FEZ2: variants seen among roughly 807,000 people sequenced by gnomAD.
The protein encoded by FEZ2 is fasciculation and elongation protein zeta-2.
In FEZ2, 51 loss-of-function variants were observed where a neutral mutation model predicts 40.4. That is an observed-to-expected ratio of 1.26 (90% CI 1.01 to 1.59). The LOEUF (loss-of-function observed/expected upper bound fraction) is 1.59. Among genes scored for constraint, FEZ2 ranks in the 40% most tolerant of loss-of-function variants. The pLI is 0.00. For missense variants in FEZ2, 640 were observed against 438.3 expected, an observed-to-expected ratio of 1.46 and a Z score of -4.11; for synonymous variants, 242 against 172.0, an observed-to-expected ratio of 1.41 and a Z score of -3.18.
intron 5 of FEZ2, among the ~76,000 whole-genome samples, chr2:36,569,009 C>T (rs2125227135): frequency 6.6e-6 from 1 of 152,318 alleles, no homozygotes; most frequent in East Asian, 1.9e-4. Flanking sequence ...AACGAAAATT[C>T]AAGCCAAGGA....
At chr2:36,574,175 T>C (rs848624) in intron 5 of FEZ2, among the ~76,000 whole-genome samples, 73,979 of 152,048 alleles carry the variant, frequency 0.49, 19,406 homozygotes, top group East Asian at 0.85. Flanking sequence ...GCTAATCTTA[T>C]ATACATTATT....
chr2:36,579,573 C>T (rs1668674349), intron 4 of FEZ2, among the ~76,000 whole-genome samples: 1 of 152,022 alleles, frequency 6.6e-6, no homozygotes, highest in Non-Finnish European at 1.5e-5. Flanking sequence ...TCCTCCTGCT[C>T]CAGCCATGTG....
intron 1 of FEZ2, among the ~76,000 whole-genome samples, chr2:36,596,159 G>A (rs1364646297): frequency 1.3e-5 from 2 of 152,116 alleles, no homozygotes; most frequent in African/African-American, 2.4e-5. Context: ...AATTATAAGT[G>A]TTTCCCTTCT....
chr2:36,590,682 T>C (rs974607689), intron 2 of FEZ2: 15 of 464,714 alleles, frequency 3.2e-5, no homozygotes, highest in Non-Finnish European at 4.9e-5. Context: ...GATGGAAATT[T>C]AGCTACACAT....
chr2:36,585,789 G>C (rs1449435565), intron 2 of FEZ2, among the ~76,000 whole-genome samples: 1 of 152,212 alleles, frequency 6.6e-6, no homozygotes, highest in African/African-American at 2.4e-5. Flanking sequence ...GATGGGGAAA[G>C]GGAAGTTTTT....
chr2:36,589,091 T>C (rs1227622744), intron 2 of FEZ2, among the ~76,000 whole-genome samples: 1 of 152,220 alleles, frequency 6.6e-6, no homozygotes, highest in African/African-American at 2.4e-5. Flanking sequence ...TATTCACTTA[T>C]TCACTCAATA....
intron 4 of FEZ2, among the ~76,000 whole-genome samples, chr2:36,580,386 T>G (rs1399282702): frequency 6.6e-6 from 1 of 152,162 alleles, no homozygotes; most frequent in Non-Finnish European, 1.5e-5. Context: ...AAGATAAAAC[T>G]AGGTGACAAC....
chr2:36,587,015 T>A (rs944834436), intron 2 of FEZ2, among the ~76,000 whole-genome samples: 1 of 152,184 alleles, frequency 6.6e-6, no homozygotes. Flanking sequence ...CTTAAAGGTA[T>A]AAAGATGCAT....
chr2:36,563,840 G>C lies in FEZ2; in HGVS notation c.904-5327C>G, dbSNP rs17019092. On this transcript the variant is annotated intron_variant, in intron 5 of 7. Coordinates refer to ENST00000405912, the MANE Select transcript of FEZ2 (RefSeq NM_005102.3). ...TCCCTGAACCGCTTCCTTGGATTCA[G>C]AGACACCACACTCTCCCAGATTTCC... Among the ~76,000 whole-genome samples the C allele has an allele frequency of 6.7e-3, 1,020 of 152,274 alleles. 6 individuals carry two copies. The highest frequency in any genetic ancestry group is 0.016 in the African/African-American group (670 of 41,546).
At chr2:36,577,647 G>A (rs879632167) in intron 5 of FEZ2, among the ~76,000 whole-genome samples, 6 of 152,190 alleles carry the variant, frequency 3.9e-5, no homozygotes, top group African/African-American at 9.7e-5. Flanking sequence ...TGAGCTATAT[G>A]GTAAGACTCT....
chr2:36,591,741 G>A (rs1287148248), intron 1 of FEZ2, among the ~76,000 whole-genome samples: 1 of 152,162 alleles, frequency 6.6e-6, no homozygotes, highest in African/African-American at 2.4e-5. Flanking sequence ...CAAATGGTAA[G>A]GGCATTTGAC....
intron 1 of FEZ2, among the ~76,000 whole-genome samples, chr2:36,593,968 A>T (rs1367524145): frequency 1.3e-5 from 2 of 151,962 alleles, no homozygotes; most frequent in Non-Finnish European, 2.9e-5. Flanking sequence ...TACTGCTTAG[A>T]AATTTTTTCT....
intron 1 of FEZ2, among the ~76,000 whole-genome samples, chr2:36,596,134 G>A (rs897270440): frequency 4.6e-5 from 7 of 152,212 alleles, no homozygotes; most frequent in African/African-American, 7.2e-5. Context: ...CGGCATGCAT[G>A]TGTGTATAAA....
At chr2:36,587,359 T>C (rs1668930332) in intron 2 of FEZ2, among the ~76,000 whole-genome samples, 6 of 152,188 alleles carry the variant, frequency 3.9e-5, no homozygotes, top group Admixed American at 3.9e-4. Flanking sequence ...ACTCCTCCCT[T>C]CAGCATTAAA....
chr2:36,575,164 G>A (rs768469419), intron 5 of FEZ2, among the ~76,000 whole-genome samples: 9 of 152,032 alleles, frequency 5.9e-5, no homozygotes, highest in Non-Finnish European at 1.3e-4. Context: ...GCATGGGATG[G>A]GCCTCATCTA....
intron 2 of FEZ2, among the ~76,000 whole-genome samples, chr2:36,587,048 A>C (rs1668922225): frequency 6.6e-6 from 1 of 152,236 alleles, no homozygotes; most frequent in African/African-American, 2.4e-5. Flanking sequence ...GTCCTGAAAG[A>C]AATGCACATG....
Position 36,553,074 on chromosome 2 carries a change from C to T in FEZ2, c.*89G>A. 1.8e-6 allele frequency: 2 copies of T among 1,086,306 alleles called. No homozygotes were observed. Among genetic ancestry groups the T allele is most frequent in the Non-Finnish European group, 2.7e-6 (2 of 732,608 alleles). The allele number at this position is 1,086,306 out of a possible 1,614,324, so 67.3% of individuals were successfully genotyped here. A position where few individuals can be genotyped will look rare whatever the true frequency, so the allele number is the denominator to read the frequency against. On this transcript the variant is annotated 3_prime_UTR_variant, in exon 8 of 8. Transcript: ENST00000405912. ...ACCCAAGTTCAAATGTGCTGAGTTTCCAATAGCAAGAAGGGTAATGGTAGC... is the reference window on the plus strand; with the variant it reads ...ACCCAAGTTCAAATGTGCTGAGTTTTCAATAGCAAGAAGGGTAATGGTAGC...
chr2:36,553,201 T>C (rs777178135), intron 7 of FEZ2, 22 bp from the exon 8 acceptor site: 2 of 1,521,830 alleles, frequency 1.3e-6, no homozygotes, highest in African/African-American at 1.4e-5. Flanking sequence ...AGAGAACTTT[T>C]AGCTACAAAT....
intron 5 of FEZ2, among the ~76,000 whole-genome samples, chr2:36,562,638 G>A (rs1052782050): frequency 6.6e-6 from 1 of 152,144 alleles, no homozygotes; most frequent in Admixed American, 6.5e-5. Context: ...TGATGGAGGA[G>A]GCTAGTTATA....
Sources: gnomAD v4.1 joint callset for allele counts (sites outside exome capture counted in the v4.1 genomes callset) on GRCh38, gnomAD v4.1.1 for gene constraint, MANE v1.5 for transcripts, NCBI Gene and HGNC (gene_info 2026-07-23, HGNC 2026-07-21) for gene names.